Variants in NPIPB2 observed in about 807,000 individuals in gnomAD.
The protein encoded by NPIPB2 is nuclear pore complex-interacting protein family member B2.
Under a neutral mutation model 30.8 loss-of-function variants are expected in NPIPB2, and 27 were observed. The observed-to-expected ratio is 0.88, with a 90% CI of 0.65 to 1.21. The LOEUF (loss-of-function observed/expected upper bound fraction) is 1.21, where lower values mean the gene tolerates loss of function less well. NPIPB2 is among the 50% of genes most tolerant of loss of function. The pLI, the probability that NPIPB2 is intolerant of heterozygous loss-of-function variation, is 0.00. For missense variants in NPIPB2, 440 were observed against 446.2 expected (o/e 0.99, Z 0.13); for synonymous variants, 147 against 162.0 (o/e 0.91, Z 0.70).
At chr16:11,948,477 T>C (rs2055032967) in intron 1 of NPIPB2, among the ~76,000 whole-genome samples, 1 of 151,790 alleles carries the variant, frequency 6.6e-6, no homozygotes, top group African/African-American at 2.4e-5. Context: ...GTGTGTAAAA[T>C]GGAAACTTAC....
intron 1 of NPIPB2, chr16:11,965,015 T>C (rs2055182225): frequency 2.5e-6 from 1 of 407,546 alleles, no homozygotes; most frequent in Non-Finnish European, 4.5e-6. Context: ...CTTGCAACTG[T>C]CACCTGGCTG....
Position 11,938,551 on chromosome 16 carries a change from A to G in NPIPB2, c.64-883T>C, listed in dbSNP as rs11642071. ...TTGCCATGTTGGCCAGGGTGGTCTC[A>G]AACTCCTGACCTCAGGTAATCTGCC... On this transcript the variant is annotated intron_variant, in intron 1 of 7. Transcript: ENST00000399147. Among the ~76,000 whole-genome samples the G allele has an allele frequency of 1.9e-3, 280 of 149,910 alleles. 2 individuals are homozygous for G. Among genetic ancestry groups the G allele is most frequent in the Middle Eastern group, 3.6e-3 (1 of 276 alleles).
At chr16:11,957,399 G>A (rs542097332) in intron 1 of NPIPB2, among the ~76,000 whole-genome samples, 5 of 152,066 alleles carry the variant, frequency 3.3e-5, no homozygotes, top group African/African-American at 7.2e-5. Context: ...TCCTGACCTC[G>A]TGACCCACCT....
chr16:11,927,976 G>A, intron 7 of NPIPB2, 97 bp from the exon 8 acceptor site: 1 of 679,490 alleles, frequency 1.5e-6, no homozygotes, highest in East Asian at 2.8e-5. Flanking sequence ...GCTGGTGATA[G>A]ATTTTTGCAC....
Position 11,965,388 on chromosome 16 carries a change from A to C in NPIPB2, c.-584+11180T>G, listed in dbSNP as rs559017949. 3.1e-6 allele frequency: 5 copies of C among 1,614,242 alleles called. No homozygotes were observed. The Admixed American group carries it at 8.3e-5, about 27-fold the overall frequency. On this transcript the variant is annotated intron_variant, in intron 1 of 5. Transcript: ENST00000538896. ...TTTTGACAGTTTGTTGCATGCTTGC[A>C]TACCTTGTCAACTTCGATGTTCTTC...
intron 2 of NPIPB2, among the ~76,000 whole-genome samples, chr16:11,934,461 G>A (rs1348175025): frequency 6.6e-6 from 1 of 150,538 alleles, no homozygotes; most frequent in East Asian, 2.0e-4. Context: ...GCTGAGGCAG[G>A]AGAATCACTT....
In NPIPB2 at chr16:11,954,970, C is replaced by A. The variant is rs367606865; in HGVS notation, c.-583-12856G>T. 5.9e-4 allele frequency among the ~76,000 whole-genome samples: 89 copies of A among 152,082 alleles called. 2 individuals carry two copies. The South Asian group carries it at 0.018, about 31-fold the overall frequency. ...AAACTTTTATTGATTAAAAATAAAT[C>A]CCTCACATATCCATCACCCATCAAA... On this transcript the variant is annotated intron_variant, in intron 1 of 5. Transcript: ENST00000538896.
rs2054905382 is a variant in NPIPB2, at chr16:11,939,153, TTC to T, written c.64-1487_64-1486del. Among the ~76,000 whole-genome samples the T allele has an allele frequency of 2.0e-5, 3 of 152,112 alleles. No individual in the cohort carries two copies. The South Asian group carries it at 6.2e-4, about 32-fold the overall frequency. On this transcript the variant is annotated intron_variant, in intron 1 of 7. Coordinates refer to ENST00000399147, the Ensembl canonical transcript of NPIPB2. ...GTAAAAGAATCCCTCTAAATAATAC[TTC>T]TCTCTTGGATTATATGAATCTTTGT...
At chr16:11,968,406 G>C (rs1240433088) in intron 1 of NPIPB2, 1 of 153,270 alleles carries the variant, frequency 6.5e-6, no homozygotes, top group African/African-American at 2.4e-5. Flanking sequence ...GAACCTGGGA[G>C]GTGGAGGTTG....
intron 1 of NPIPB2, among the ~76,000 whole-genome samples, chr16:11,952,662 T>G (rs1190027008): frequency 6.6e-6 from 1 of 151,406 alleles, no homozygotes; most frequent in African/African-American, 2.4e-5. Flanking sequence ...CCTCCAGGAT[T>G]CAAGCGATTC....
At chr16:11,961,677 G>A in intron 1 of NPIPB2, among the ~76,000 whole-genome samples, 1 of 151,802 alleles carries the variant, frequency 6.6e-6, no homozygotes, top group Non-Finnish European at 1.5e-5. Flanking sequence ...CTACTAGGGA[G>A]GCTGAGGCAA....
chr16:11,967,669 G>A (rs765271513), intron 1 of NPIPB2: 1 of 1,614,178 alleles, frequency 6.2e-7, no homozygotes, highest in South Asian at 1.1e-5. Flanking sequence ...GTGGAAGAAT[G>A]CACCTGTGAA....
intron 1 of NPIPB2, among the ~76,000 whole-genome samples, chr16:11,957,260 G>C (rs1332497454): frequency 6.6e-6 from 1 of 151,624 alleles, no homozygotes; most frequent in African/African-American, 2.4e-5. Context: ...CGCCTCTTGG[G>C]TTCAAGCGAT....
chr16:11,972,294 G>C (rs971111675), intron 1 of NPIPB2, among the ~76,000 whole-genome samples: 1 of 152,014 alleles, frequency 6.6e-6, no homozygotes, highest in African/African-American at 2.4e-5. Flanking sequence ...GTCTGTTCTG[G>C]GCTGGATGCC....
upstream of NPIPB2, among the ~76,000 whole-genome samples, chr16:11,945,812 G>T (rs978004329): frequency 2.0e-5 from 3 of 152,106 alleles, no homozygotes; most frequent in South Asian, 6.2e-4. Context: ...TGGGTTCTAT[G>T]TTCTTACAGA....
At chr16:11,947,751 C>G (rs2055025904) in intron 1 of NPIPB2, among the ~76,000 whole-genome samples, 1 of 151,434 alleles carries the variant, frequency 6.6e-6, no homozygotes, top group African/African-American at 2.4e-5. Context: ...TCCCAAATGC[C>G]TCTGACAAAT....
At chr16:11,945,711 A>C (rs1026015657), upstream of NPIPB2, among the ~76,000 whole-genome samples, 1 of 151,788 alleles carries the variant, frequency 6.6e-6, no homozygotes, top group African/African-American at 2.4e-5. Context: ...AAAATGCTGG[A>C]GTCATGCTGA....
chr16:11,951,794 G>C (rs1341740640), intron 1 of NPIPB2, among the ~76,000 whole-genome samples: 1 of 151,970 alleles, frequency 6.6e-6, no homozygotes, highest in Non-Finnish European at 1.5e-5. Flanking sequence ...TTGGGAGGCC[G>C]AGGCGGGCGG....
At position 11,939,201 on chromosome 16, in the gene NPIPB2, T is replaced by TAA. The variant is rs71139506; in HGVS notation, c.64-1535_64-1534dup. Among the ~76,000 whole-genome samples the TAA allele has an allele frequency of 3.2e-3, 467 of 146,838 alleles. 5 individuals carry two copies. In the East Asian group the frequency reaches 0.033, roughly 11 times the overall value. ...TTTGTCATTTAAATCTCAGCATAAG[T>TAA]AAAAAAAAAAATACAATGAAGAGAT... On this transcript the variant is annotated intron_variant, in intron 1 of 7. Transcript: ENST00000399147.
Sources: allele counts gnomAD v4.1 joint callset (sites outside exome capture counted in the v4.1 genomes callset), GRCh38; gene constraint gnomAD v4.1.1; transcripts MANE v1.5; gene names NCBI Gene and HGNC (gene_info 2026-07-23, HGNC 2026-07-21).